Variants in STON1 observed in about 807,000 individuals in gnomAD.
STON1 encodes stonin-1.
In STON1, 79 loss-of-function variants were observed where a neutral mutation model predicts 60.9. The ratio of observed to expected loss-of-function variants is 1.30; its 90% CI spans 1.08 to 1.56. The LOEUF (loss-of-function observed/expected upper bound fraction) is 1.56. Among genes scored for constraint, STON1 ranks in the 40% most tolerant of loss-of-function variants. The pLI is 0.00. For synonymous variants in STON1, 363 were observed against 306.9 expected, an observed-to-expected ratio of 1.18 and a Z score of -1.91; for missense variants, 1,166 against 858.9, an observed-to-expected ratio of 1.36 and a Z score of -4.47.
intron 1 of STON1, among the ~76,000 whole-genome samples, chr2:48,578,799 C>T (rs1673698646): frequency 6.6e-6 from 1 of 151,896 alleles, no homozygotes; most frequent in African/African-American, 2.4e-5. Context: ...CCATGTTGGC[C>T]AGGCTGGTCT....
chr2:48,561,494 C>T lies in STON1; in HGVS notation c.-47-19093C>T, dbSNP rs9967652. Among the ~76,000 whole-genome samples, 785 of 152,262 alleles carry T rather than the reference C, an allele frequency of 5.2e-3. 8 individuals are homozygous for T. The highest frequency in any genetic ancestry group is 0.018 in the African/African-American group (739 of 41,534). On this transcript the variant is annotated intron_variant, in intron 1 of 3. Coordinates refer to ENST00000404752, the MANE Select transcript of STON1 (RefSeq NM_006873.4). ...CTCAGGAAAATCATCAAATAGAAGC[C>T]TCTGATTCATTATCTACGAAGCAGA... is the stretch of plus-strand genomic sequence containing the variant.
rs1673726866 is a variant in STON1, at chr2:48,579,195, G to T, written c.-47-1392G>T. On this transcript the variant is annotated intron_variant, in intron 1 of 3. Transcript: ENST00000404752. ...ATTTTTTGTATTTTTAGTAGAGATGGGGTTTCTCCATGTTGGCCAGGCTGG... is the reference window on the plus strand; with the variant it reads ...ATTTTTTGTATTTTTAGTAGAGATGTGGTTTCTCCATGTTGGCCAGGCTGG... Among the ~76,000 whole-genome samples, 3 of 151,624 alleles carry T rather than the reference G, an allele frequency of 2.0e-5. No homozygotes were observed. The South Asian group carries it at 6.2e-4, about 32-fold the overall frequency.
Position 48,597,731 on chromosome 2 carries a change from A to G in STON1, c.*2429A>G, listed in dbSNP as rs1472593500. On this transcript the variant is annotated 3_prime_UTR_variant, in exon 4 of 4. Coordinates refer to ENST00000404752, the MANE Select transcript of STON1 (RefSeq NM_006873.4). ...AGCATAATTGTTAATTCGCACATCT[A>G]TTAGGATCCTTAAATATTCATTACT... 6.6e-6 allele frequency: 1 copy of G among 152,614 alleles called. No homozygotes were observed. Among genetic ancestry groups the G allele is most frequent in the East Asian group, 1.9e-4 (1 of 5,196 alleles). 9.5% of individuals were successfully genotyped at this position (152,614 alleles called of 1,614,324 possible). A position where few individuals can be genotyped will look rare whatever the true frequency, so the allele number is the denominator to read the frequency against.
chr2:48,543,416 A>G (rs370824127), intron 1 of STON1, among the ~76,000 whole-genome samples: 1 of 151,748 alleles, frequency 6.6e-6, no homozygotes, highest in Non-Finnish European at 1.5e-5. Flanking sequence ...TAGAGTAGCT[A>G]TGTTGTTACT....
At position 48,581,119 on chromosome 2, in the gene STON1, C is replaced by A; in HGVS notation, c.486C>A (p.Ser162Arg). 6.3e-7 allele frequency: 1 copy of A among 1,592,872 alleles called. No individual in the cohort carries two copies. Among genetic ancestry groups the A allele is most frequent in the Admixed American group, 1.8e-5 (1 of 55,078 alleles). ...AAGTTAATCCTCAACAGGCTGAAAG[C>A]CTAGGATTCCAAAGTGATGATCTCC... Reference protein sequence around the residue: ...PDEVNPQQAESLGFQSDDLPQ... With the variant: ...PDEVNPQQAERLGFQSDDLPQ... The change falls in exon 2 of 4, where the codon AGC (serine) becomes AGA (arginine). Residue 162 changes from serine to arginine, a missense_variant. By Grantham distance (110) the Ser-to-Arg change is moderately radical. Coordinates refer to ENST00000404752, the MANE Select transcript of STON1 (RefSeq NM_006873.4).
In STON1 at chr2:48,580,931, C is replaced by G. The variant is rs936199811; in HGVS notation, c.298C>G (p.His100Asp). 34 of 1,600,310 alleles carry G rather than the reference C, an allele frequency of 2.1e-5. No individual in the cohort carries two copies. The highest frequency in any genetic ancestry group is 2.7e-5 in the Non-Finnish European group (32 of 1,174,662). Residue 100 changes from histidine (H) to aspartate (D), a missense_variant, in exon 2 of 4, where the codon CAT (histidine) becomes GAT (aspartate). His to Asp is a moderately conservative substitution (Grantham distance 81, BLOSUM62 -1). Coordinates refer to ENST00000404752, the MANE Select transcript of STON1 (RefSeq NM_006873.4). ...TCCTGGCATCCCCAAAGCAGGGACT[C>G]ATGTGCTTTATCCTATTCCAGAATC... ...GFPGIPKAGT[H>D]VLYPIPESSS...
intron 1 of STON1, among the ~76,000 whole-genome samples, chr2:48,532,647 T>C (rs17325558): frequency 0.19 from 28,554 of 151,868 alleles, 3,066 homozygotes; most frequent in Admixed American, 0.3. Flanking sequence ...TTTTGCACTA[T>C]CTCATGAAAT....
chr2:48,580,499 A>C, intron 1 of STON1, 88 bp from the exon 2 acceptor site: 1 of 1,215,000 alleles, frequency 8.2e-7, no homozygotes, highest in Non-Finnish European at 1.0e-6. Flanking sequence ...TATAATTTTT[A>C]AGCATTTATC....
chr2:48,572,102 G>C (rs1442237214), intron 1 of STON1, among the ~76,000 whole-genome samples: 4 of 152,186 alleles, frequency 2.6e-5, no homozygotes, highest in Non-Finnish European at 4.4e-5. Flanking sequence ...GGCAGAGGTT[G>C]CAGTGAGCCA....
At chr2:48,567,329 T>A (rs1290654482) in intron 1 of STON1, among the ~76,000 whole-genome samples, 2 of 152,226 alleles carry the variant, frequency 1.3e-5, no homozygotes, top group African/African-American at 4.8e-5. Flanking sequence ...TAAGGTATTG[T>A]GTTTTCTGAT....
intron 1 of STON1, among the ~76,000 whole-genome samples, chr2:48,548,267 C>T (rs536019763): frequency 6.6e-6 from 1 of 152,328 alleles, no homozygotes; most frequent in East Asian, 1.9e-4. Context: ...TGAGCCTTGG[C>T]TGCTTCTGCT....
intron 1 of STON1, among the ~76,000 whole-genome samples, chr2:48,573,353 C>A (rs1673315101): frequency 6.6e-6 from 1 of 152,110 alleles, no homozygotes; most frequent in African/African-American, 2.4e-5. Context: ...AATAAATATC[C>A]CAGCACTAAA....
intron 1 of STON1, among the ~76,000 whole-genome samples, chr2:48,575,908 G>A (rs182036169): frequency 6.7e-4 from 101 of 150,732 alleles, no homozygotes; most frequent in African/African-American, 2.0e-3. Context: ...ACAGGTGTGC[G>A]CCACCACGCC....
At chr2:48,570,627 G>A (rs1673154600) in intron 1 of STON1, among the ~76,000 whole-genome samples, 1 of 152,036 alleles carries the variant, frequency 6.6e-6, no homozygotes, top group Non-Finnish European at 1.5e-5. Flanking sequence ...TATTCCTGGT[G>A]TGAATAGGCA....
At chr2:48,569,479 T>A (rs1673095662) in intron 1 of STON1, among the ~76,000 whole-genome samples, 1 of 152,178 alleles carries the variant, frequency 6.6e-6, no homozygotes, top group African/African-American at 2.4e-5. Flanking sequence ...GAGACTTAAT[T>A]TGTGGAAAAG....
At chr2:48,553,787 C>T (rs779256866) in intron 1 of STON1, among the ~76,000 whole-genome samples, 4 of 152,120 alleles carry the variant, frequency 2.6e-5, no homozygotes, top group Non-Finnish European at 5.9e-5. Flanking sequence ...CATGACTGGC[C>T]TTAGACCCCT....
chr2:48,566,327 C>G (rs945442918), intron 1 of STON1, among the ~76,000 whole-genome samples: 1 of 152,200 alleles, frequency 6.6e-6, no homozygotes, highest in Non-Finnish European at 1.5e-5. Flanking sequence ...AGGTGCCCAC[C>G]ACCACGCCCG....
At chr2:48,538,789 T>TA (rs1162501752) in intron 1 of STON1, among the ~76,000 whole-genome samples, 145 of 120,422 alleles carry the variant, frequency 1.2e-3, no homozygotes, top group Middle Eastern at 8.6e-3. Context: ...TTTTTTTTTT[T>TA]ATATTTTCTG....
At chr2:48,564,487 T>TTCTTCTTCTTCTTCTTCTTCTTCTTCC (rs1672795834) in intron 1 of STON1, among the ~76,000 whole-genome samples, 1 of 21,004 alleles carries the variant, frequency 4.8e-5, no homozygotes, top group African/African-American at 1.9e-4. Flanking sequence ...TTCTTTCTTC[T>TTCTTCTTCTTCTTCTTCTTCTTCTTCC]TCTTCTTCTT....
Sources: allele counts gnomAD v4.1 joint callset (sites outside exome capture counted in the v4.1 genomes callset), GRCh38; gene constraint gnomAD v4.1.1; transcripts MANE v1.5; gene names NCBI Gene and HGNC (gene_info 2026-07-23, HGNC 2026-07-21).